The following CBFB variants were observed in gnomAD, a reference collection of about 807,000 sequenced individuals.
The protein encoded by CBFB is core-binding factor subunit beta.
In CBFB, 9 loss-of-function variants were observed where a neutral mutation model predicts 30.4. The ratio of observed to expected loss-of-function variants is 0.30; its 90% CI spans 0.18 to 0.52. CBFB has a LOEUF of 0.52. Among genes scored for constraint, CBFB ranks in the 20% least tolerant of loss-of-function variants. The probability of loss-of-function intolerance (pLI) is 0.97; values close to 1 mark genes in which losing one functional copy is unlikely to be tolerated. For synonymous variants in CBFB, 94 were observed against 84.0 expected, an observed-to-expected ratio of 1.12 and a Z score of -0.65; for missense variants, 170 against 244.0, an observed-to-expected ratio of 0.70 and a Z score of 2.02.
chr16:67,035,644 C>T (rs765622688), intron 2 of CBFB, among the ~76,000 whole-genome samples: 4 of 152,118 alleles, frequency 2.6e-5, no homozygotes, highest in Non-Finnish European at 5.9e-5. Flanking sequence ...TGGCTTTAAA[C>T]AAATTGCCCC....
intron 3 of CBFB, among the ~76,000 whole-genome samples, chr16:67,063,313 A>G (rs1960961796): frequency 6.6e-6 from 1 of 152,104 alleles, no homozygotes; most frequent in African/African-American, 2.4e-5. Context: ...AACCTTTTGT[A>G]TTTTGGTTAT....
At position 67,032,545 on chromosome 16, in the gene CBFB, C is replaced by A. The variant is rs555642348; in HGVS notation, c.165+2732C>A. On this transcript the variant is annotated intron_variant, in intron 2 of 5. Coordinates refer to ENST00000412916, the MANE Select transcript of CBFB (RefSeq NM_022845.3). ...TTTCCCTCCTTTAATTCAGTGTTAA[C>A]CCACATTTAATTACAGGATCCTTAG... Among the ~76,000 whole-genome samples, 7 of 152,240 alleles carry A rather than the reference C, an allele frequency of 4.6e-5. No individual in the cohort carries two copies. In the South Asian group the frequency reaches 1.4e-3, roughly 32 times the overall value.
At chr16:67,088,227 A>G (rs951384085) in intron 5 of CBFB, among the ~76,000 whole-genome samples, 3 of 151,978 alleles carry the variant, frequency 2.0e-5, no homozygotes, top group Non-Finnish European at 1.5e-5. Flanking sequence ...GCGTGTATAT[A>G]TTTTGCTTCT....
rs1962173425 is a variant in CBFB, at chr16:67,100,058, A to C, written c.*1280A>C. ...TATTTTTTAAATAGGCTTACTGTCA[A>C]ATTGCAACTTTTTTTTTAGATACAG... is the stretch of plus-strand genomic sequence containing the variant. On this transcript the variant is annotated 3_prime_UTR_variant, in exon 6 of 6. Transcript: ENST00000412916. The C allele has an allele frequency of 4.7e-6, 1 of 213,080 alleles. No individual in the cohort carries two copies. Among genetic ancestry groups the C allele is most frequent in the Admixed American group, 5.9e-5 (1 of 17,026 alleles). 13.2% of individuals were successfully genotyped at this position (213,080 alleles called of 1,614,324 possible).
intron 2 of CBFB, chr16:67,030,278 A>G (rs1226116393): frequency 6.5e-6 from 1 of 153,562 alleles, no homozygotes; most frequent in Non-Finnish European, 1.4e-5. Flanking sequence ...TCCTCCAGTT[A>G]TTTATTCTAA....
chr16:67,095,800 C>G (rs975044326), intron 5 of CBFB, among the ~76,000 whole-genome samples: 1 of 151,714 alleles, frequency 6.6e-6, no homozygotes, highest in Non-Finnish European at 1.5e-5. Flanking sequence ...TCACGCGATC[C>G]TCCTGCCTCA....
intron 4 of CBFB, among the ~76,000 whole-genome samples, chr16:67,080,817 T>C (rs1597154457): frequency 6.6e-6 from 1 of 152,298 alleles, no homozygotes; most frequent in Non-Finnish European, 1.5e-5. Flanking sequence ...TAGCCTTAAA[T>C]ATTGTATTCA....
chr16:67,041,154 G>A (rs547079045), intron 3 of CBFB, among the ~76,000 whole-genome samples: 1 of 152,274 alleles, frequency 6.6e-6, no homozygotes, highest in South Asian at 2.1e-4. Context: ...GTTGCCCAGG[G>A]TGACTCAAAC....
intron 3 of CBFB, among the ~76,000 whole-genome samples, chr16:67,065,564 G>A (rs1409454747): frequency 6.6e-6 from 1 of 151,780 alleles, no homozygotes; most frequent in Non-Finnish European, 1.5e-5. Flanking sequence ...ACTTTTTAGA[G>A]GTGAGGTCTC....
chr16:67,042,859 T>TAGC (rs1567606492), intron 3 of CBFB, among the ~76,000 whole-genome samples: 14 of 151,896 alleles, frequency 9.2e-5, no homozygotes, highest in Non-Finnish European at 1.8e-4. Context: ...CCTCAGCCTC[T>TAGC]CAAGTAGCTG....
rs1188672912 is a variant in CBFB at position 67,099,513 on chromosome 16, C to G, written c.*735C>G. ...AAGCGATCCTCCTGCCTTAGCCTCC[C>G]AGAGTACTGGGATTACAGGCTCTTT... On this transcript the variant is annotated 3_prime_UTR_variant, in exon 6 of 6. Transcript: ENST00000412916. 1.5e-5 allele frequency: 3 copies of G among 202,732 alleles called. No individual in the cohort carries two copies. The highest frequency in any genetic ancestry group is 3.0e-5 in the Non-Finnish European group (3 of 98,776). 12.6% of individuals were successfully genotyped at this position (202,732 alleles called of 1,614,324 possible).
intron 4 of CBFB, among the ~76,000 whole-genome samples, chr16:67,068,988 G>A (rs951067811): frequency 1.3e-5 from 2 of 152,138 alleles, no homozygotes; most frequent in Admixed American, 6.5e-5. Flanking sequence ...GCCAAGGCGG[G>A]CGGATCACCT....
At chr16:67,089,161 A>G (rs1327693912) in intron 5 of CBFB, among the ~76,000 whole-genome samples, 2 of 152,218 alleles carry the variant, frequency 1.3e-5, no homozygotes, top group East Asian at 3.8e-4. Flanking sequence ...CTATAGTGAA[A>G]TGAAGAAGCA....
At chr16:67,054,194 CTT>C (rs1960647196) in intron 3 of CBFB, among the ~76,000 whole-genome samples, 2 of 151,880 alleles carry the variant, frequency 1.3e-5, no homozygotes, top group Non-Finnish European at 1.5e-5. Flanking sequence ...TTTACGGTCT[CTT>C]TGTGGATAAC....
chr16:67,074,632 C>A (rs561535362), intron 4 of CBFB, among the ~76,000 whole-genome samples: 5 of 152,056 alleles, frequency 3.3e-5, no homozygotes, highest in Non-Finnish European at 5.9e-5. Flanking sequence ...CCACCCGCTT[C>A]GGCCTCCCAA....
chr16:67,053,248 C>CTTT (rs576629599), intron 3 of CBFB, among the ~76,000 whole-genome samples: 55 of 122,718 alleles, frequency 4.5e-4, no homozygotes, highest in African/African-American at 7.3e-4. Context: ...CACTTTCTCT[C>CTTT]TTTTTTTTTT....
chr16:67,071,423 G>C (rs1961219176), intron 4 of CBFB, among the ~76,000 whole-genome samples: 1 of 152,048 alleles, frequency 6.6e-6, no homozygotes, highest in African/African-American at 2.4e-5. Context: ...AGAGCTCTCT[G>C]TCTCTCTCTC....
intron 3 of CBFB, among the ~76,000 whole-genome samples, chr16:67,054,264 T>A (rs965638236): frequency 6.6e-6 from 1 of 152,168 alleles, no homozygotes; most frequent in Non-Finnish European, 1.5e-5. Context: ...TAAGTTTGTC[T>A]TGTTCTAGAG....
At chr16:67,081,040 A>G (rs1567621388) in intron 4 of CBFB, among the ~76,000 whole-genome samples, 1 of 151,936 alleles carries the variant, frequency 6.6e-6, no homozygotes, top group South Asian at 2.1e-4. Context: ...GATTAGTTAC[A>G]TATGTATACA....
Sources: allele counts gnomAD v4.1 joint callset (sites outside exome capture counted in the v4.1 genomes callset), GRCh38; gene constraint gnomAD v4.1.1; transcripts MANE v1.5; gene names NCBI Gene and HGNC (gene_info 2026-07-23, HGNC 2026-07-21).